The following CPNE8 variants were observed in gnomAD, a reference collection of about 807,000 sequenced individuals.
CPNE8 encodes copine 8.
Under a neutral mutation model 81.5 loss-of-function variants are expected in CPNE8, and 45 were observed. The ratio of observed to expected loss-of-function variants is 0.55; its 90% CI spans 0.44 to 0.71. CPNE8 has a LOEUF of 0.71. Among genes scored for constraint, CPNE8 ranks in the 30% least tolerant of loss-of-function variants. CPNE8 has a pLI of 0.00. For missense variants in CPNE8, 594 were observed against 672.1 expected (o/e 0.88, Z 1.28); for synonymous variants, 252 against 226.3 (o/e 1.11, Z -1.02).
chr12:38,828,244 G>C (rs1592124011), intron 6 of CPNE8, among the ~76,000 whole-genome samples: 1 of 152,116 alleles, frequency 6.6e-6, no homozygotes, highest in East Asian at 1.9e-4. Flanking sequence ...TAAAATATTT[G>C]CATCTGCCTC....
chr12:38,696,339 C>G (rs1441260245), intron 14 of CPNE8, among the ~76,000 whole-genome samples: 1 of 149,404 alleles, frequency 6.7e-6, no homozygotes, highest in East Asian at 2.0e-4. Flanking sequence ...ATTGTCTTTT[C>G]TCTTATACTG....
At chr12:38,696,998 G>A (rs1283504251) in intron 14 of CPNE8, among the ~76,000 whole-genome samples, 1 of 152,176 alleles carries the variant, frequency 6.6e-6, no homozygotes, top group Non-Finnish European at 1.5e-5. Flanking sequence ...AGTGAGCTGA[G>A]ATTGCACCCC....
intron 14 of CPNE8, among the ~76,000 whole-genome samples, chr12:38,697,987 A>T (rs189608649): frequency 1.3e-5 from 2 of 152,358 alleles, no homozygotes; most frequent in East Asian, 3.9e-4. Context: ...AGTCTCAGGT[A>T]TTCCTTTACA....
intron 3 of CPNE8, among the ~76,000 whole-genome samples, chr12:38,856,063 T>TG (rs1376199140): frequency 6.6e-6 from 1 of 151,966 alleles, no homozygotes; most frequent in Non-Finnish European, 1.5e-5. Context: ...GGGACTATTA[T>TG]GAACAACTTT....
chr12:38,729,407 C>T (rs1176113061), intron 11 of CPNE8, among the ~76,000 whole-genome samples: 1 of 151,974 alleles, frequency 6.6e-6, no homozygotes, highest in Non-Finnish European at 1.5e-5. Context: ...TATCTATCTA[C>T]ACAAAACATA....
chr12:38,807,609 G>C (rs1032249800), intron 6 of CPNE8, among the ~76,000 whole-genome samples: 11 of 151,490 alleles, frequency 7.3e-5, no homozygotes, highest in Admixed American at 6.6e-4. Context: ...ATTCAAGATG[G>C]ATTAAAGACT....
At chr12:38,688,613 G>C (rs1378473542) in intron 15 of CPNE8, among the ~76,000 whole-genome samples, 1 of 151,760 alleles carries the variant, frequency 6.6e-6, no homozygotes, top group Non-Finnish European at 1.5e-5. Context: ...GTGTGTGTGT[G>C]TGTGTGTGTA....
intron 19 of CPNE8, among the ~76,000 whole-genome samples, chr12:38,669,381 A>G (rs1939125821): frequency 5.3e-5 from 8 of 152,042 alleles, no homozygotes; most frequent in Admixed American, 5.2e-4. Context: ...TTCAAGTATT[A>G]TTTGTTGTTC....
At chr12:38,841,412 G>A (rs1943466207) in intron 4 of CPNE8, among the ~76,000 whole-genome samples, 1 of 152,276 alleles carries the variant, frequency 6.6e-6, no homozygotes, top group Non-Finnish European at 1.5e-5. Flanking sequence ...TAGAATACAG[G>A]AGACACAGGA....
chr12:38,758,500 G>T (rs898336906), intron 10 of CPNE8, among the ~76,000 whole-genome samples: 40 of 152,084 alleles, frequency 2.6e-4, no homozygotes, highest in African/African-American at 9.7e-4. Context: ...CGATTACAAT[G>T]CTATAAAAAA....
intron 16 of CPNE8, among the ~76,000 whole-genome samples, chr12:38,681,193 G>T (rs74087314): frequency 1.4e-3 from 211 of 152,010 alleles, no homozygotes; most frequent in African/African-American, 4.9e-3. Context: ...AATTATTGAT[G>T]AAGAATTCTA....
chr12:38,704,186 A>G (rs2136693877), intron 13 of CPNE8, among the ~76,000 whole-genome samples: 1 of 152,304 alleles, frequency 6.6e-6, no homozygotes, highest in African/African-American at 2.4e-5. Context: ...GATCATTTGT[A>G]ACCTTAACCT....
At chr12:38,747,890 CA>C (rs1246341060) in intron 10 of CPNE8, among the ~76,000 whole-genome samples, 5 of 151,888 alleles carry the variant, frequency 3.3e-5, no homozygotes, top group Middle Eastern at 3.2e-3. Context: ...GAGTAATTTA[CA>C]TTTCTATTAG....
chr12:38,852,061 C>T (rs1162704839), intron 3 of CPNE8, among the ~76,000 whole-genome samples: 1 of 152,170 alleles, frequency 6.6e-6, no homozygotes, highest in East Asian at 1.9e-4. Flanking sequence ...GAAATAGGTG[C>T]TCCATTCTTA....
In CPNE8 at chr12:38,710,113, C is replaced by T. The variant is rs1940212885; in HGVS notation, c.915-7192G>A. 2.0e-5 allele frequency among the ~76,000 whole-genome samples: 3 copies of T among 151,740 alleles called. No homozygotes were observed. In the South Asian group the frequency reaches 6.3e-4, roughly 32 times the overall value. ...TGAAGATTGATTTCTATATTTTTTTCACACAATACTACTACTCCAAAATAC... is the reference window on the plus strand; with the variant it reads ...TGAAGATTGATTTCTATATTTTTTTTACACAATACTACTACTCCAAAATAC... On this transcript the variant is annotated intron_variant, in intron 13 of 19. Coordinates refer to ENST00000331366, the MANE Select transcript of CPNE8 (RefSeq NM_153634.3).
chr12:38,811,581 A>AT (rs1162037302), intron 6 of CPNE8, among the ~76,000 whole-genome samples: 2 of 152,218 alleles, frequency 1.3e-5, no homozygotes, highest in Middle Eastern at 3.2e-3. Flanking sequence ...TTGGCCAGGC[A>AT]TGGTGGCTCA....
intron 1 of CPNE8, among the ~76,000 whole-genome samples, chr12:38,890,943 G>C (rs1799873030): frequency 6.7e-6 from 1 of 150,216 alleles, no homozygotes; most frequent in African/African-American, 2.4e-5. Context: ...TTTTGAGAGA[G>C]AGAGAAAGAG....
intron 7 of CPNE8, among the ~76,000 whole-genome samples, chr12:38,770,039 T>C (rs899706937): frequency 6.6e-6 from 1 of 152,226 alleles, no homozygotes; most frequent in African/African-American, 2.4e-5. Context: ...CTAGCATCAC[T>C]GCAAAGTTTT....
At chr12:38,793,234 C>T (rs1479690757) in intron 6 of CPNE8, among the ~76,000 whole-genome samples, 2 of 142,160 alleles carry the variant, frequency 1.4e-5, no homozygotes, top group East Asian at 3.9e-4. Flanking sequence ...TGCAATTAGG[C>T]AAGAATAATA....
Sources: allele counts gnomAD v4.1 joint callset (sites outside exome capture counted in the v4.1 genomes callset), GRCh38; gene constraint gnomAD v4.1.1; transcripts MANE v1.5; gene names NCBI Gene and HGNC (gene_info 2026-07-23, HGNC 2026-07-21).